The following CNTNAP2 variants were observed in gnomAD, a reference collection of about 807,000 sequenced individuals.
CNTNAP2 encodes the protein contactin associated protein 2, also known as contactin-associated protein-like 2.
In CNTNAP2, 98 loss-of-function variants were observed where a neutral mutation model predicts 155.2. That is an observed-to-expected ratio of 0.63 (90% CI 0.54 to 0.75). The LOEUF (loss-of-function observed/expected upper bound fraction) is 0.75, where lower values mean the gene tolerates loss of function less well. CNTNAP2 is among the 30% of genes least tolerant of loss of function. The pLI is 0.00. For missense variants in CNTNAP2, 1,727 were observed against 1,688.1 expected (o/e 1.02, Z -0.40); for synonymous variants, 651 against 631.2 (o/e 1.03, Z -0.47).
At chr7:147,799,526 G>C (rs574697625) in intron 13 of CNTNAP2, among the ~76,000 whole-genome samples, 2 of 152,074 alleles carry the variant, frequency 1.3e-5, no homozygotes, top group Middle Eastern at 6.8e-3. Context: ...ACAAAGCATT[G>C]TAAAAATGTA....
rs1337593608 is a variant in CNTNAP2, at chr7:147,276,830, C to G, written c.1349-23311C>G. The stretch of plus-strand genomic sequence containing the variant: ...TCTTTCAAATGCTGCGTTCAATTGA[C>G]AAAAAAAAAACTGCAAATGAAGCAC... On this transcript the variant is annotated intron_variant, in intron 8 of 23. Coordinates refer to ENST00000361727, the MANE Select transcript of CNTNAP2 (RefSeq NM_014141.6). Among the ~76,000 whole-genome samples the G allele has an allele frequency of 1.4e-5, 2 of 145,224 alleles. 1 individual carries two copies. The highest frequency in any genetic ancestry group is 4.3e-4 in the South Asian group (2 of 4,618).
intron 21 of CNTNAP2, among the ~76,000 whole-genome samples, chr7:148,314,443 T>A (rs1271275265): frequency 6.6e-6 from 1 of 152,020 alleles, no homozygotes; most frequent in East Asian, 1.9e-4. Context: ...AAATAAGGCA[T>A]TTAGGTTTTA....
At chr7:146,371,419 A>T (rs1795234196) in intron 1 of CNTNAP2, among the ~76,000 whole-genome samples, 1 of 123,558 alleles carries the variant, frequency 8.1e-6, no homozygotes, top group Non-Finnish European at 1.6e-5. Flanking sequence ...CCCAGGCTGG[A>T]GTGCAGTGGC....
At position 148,057,338 on chromosome 7, in the gene CNTNAP2, G is replaced by A. The variant is rs866620468; in HGVS notation, c.2384-60780G>A. Among the ~76,000 whole-genome samples, 14 of 152,256 alleles carry A rather than the reference G, an allele frequency of 9.2e-5. No individual in the cohort carries two copies. In the East Asian group the frequency reaches 1.4e-3, roughly 15 times the overall value. ...TCGCTCAATAGCTTGGATAGTCTGC[G>A]TGTGGATAACACATCAGCAAGGAAT... On this transcript the variant is annotated intron_variant, in intron 15 of 23. Coordinates refer to ENST00000361727, the MANE Select transcript of CNTNAP2 (RefSeq NM_014141.6).
chr7:146,279,019 TG>T (rs553143232), intron 1 of CNTNAP2, among the ~76,000 whole-genome samples: 126 of 152,252 alleles, frequency 8.3e-4, no homozygotes, highest in African/African-American at 3.0e-3. Flanking sequence ...AGGTTCTTAC[TG>T]GGCTTATTAT....
At chr7:147,955,388 TA>T (rs960992692) in intron 14 of CNTNAP2, among the ~76,000 whole-genome samples, 5 of 152,132 alleles carry the variant, frequency 3.3e-5, no homozygotes, top group Non-Finnish European at 7.4e-5. Context: ...TTTTATTTTT[TA>T]AAAAAACTAC....
intron 3 of CNTNAP2, among the ~76,000 whole-genome samples, chr7:146,979,022 A>G (rs748917223): frequency 6.6e-6 from 1 of 152,196 alleles, no homozygotes; most frequent in Non-Finnish European, 1.5e-5. Context: ...TTGATTTTCT[A>G]CATTTGGACA....
chr7:146,130,446 C>T (rs1407274481), intron 1 of CNTNAP2, among the ~76,000 whole-genome samples: 5 of 152,154 alleles, frequency 3.3e-5, no homozygotes, highest in Non-Finnish European at 7.3e-5. Flanking sequence ...TTTCAGCCAG[C>T]TGAGACAAGA....
chr7:148,236,037 G>GT (rs2116790030), intron 20 of CNTNAP2, among the ~76,000 whole-genome samples: 1 of 152,228 alleles, frequency 6.6e-6, no homozygotes, highest in Admixed American at 6.5e-5. Flanking sequence ...TACACTAAGG[G>GT]TTTTTTACAC....
At chr7:146,930,862 G>C (rs1380153496) in intron 3 of CNTNAP2, among the ~76,000 whole-genome samples, 1 of 152,102 alleles carries the variant, frequency 6.6e-6, no homozygotes, top group Non-Finnish European at 1.5e-5. Flanking sequence ...ATGGTAAAGG[G>C]ATTAATTCAA....
In CNTNAP2 at chr7:146,165,134, ACTTTT is replaced by A. The variant is rs570774286; in HGVS notation, c.97+48170_97+48174del. ...GAAAAATCTACTGTGATTTGGGTAA[ACTTTT>A]CTTTTCTTAACTTTCTTTGTTATCT... On this transcript the variant is annotated intron_variant, in intron 1 of 23. Transcript: ENST00000361727. 5.2e-3 allele frequency among the ~76,000 whole-genome samples: 798 copies of A among 152,220 alleles called. 5 individuals are homozygous for A. Among genetic ancestry groups the A allele is most frequent in the African/African-American group, 0.018 (754 of 41,552 alleles).
chr7:146,802,249 G>A (rs771983889), intron 2 of CNTNAP2, among the ~76,000 whole-genome samples: 88 of 152,232 alleles, frequency 5.8e-4, no homozygotes, highest in Admixed American at 2.8e-3. Context: ...TCCTTTTAGC[G>A]CATTCAGATT....
chr7:146,117,429 A>C (rs1335832057), intron 1 of CNTNAP2: 4 of 156,098 alleles, frequency 2.6e-5, no homozygotes, highest in African/African-American at 7.2e-5. Context: ...CAGTTTGGGC[A>C]CCTATAGGGT....
At position 147,477,116 on chromosome 7, in the gene CNTNAP2, A is replaced by G. The variant is rs575403745; in HGVS notation, c.1671-8819A>G. Among the ~76,000 whole-genome samples, 21 of 152,224 alleles carry G rather than the reference A, an allele frequency of 1.4e-4. No individual in the cohort carries two copies. In the South Asian group the frequency reaches 3.9e-3, roughly 29 times the overall value. On this transcript the variant is annotated intron_variant, in intron 10 of 23. Coordinates refer to ENST00000361727, the MANE Select transcript of CNTNAP2 (RefSeq NM_014141.6). ...TTGTTATCGTCATCTTTTTTCCTCC[A>G]GTAAAAGAGATGAGATGGAAATAAG... is the stretch of plus-strand genomic sequence containing the variant.
chr7:147,443,595 G>A (rs2116553820), intron 10 of CNTNAP2, among the ~76,000 whole-genome samples: 1 of 152,280 alleles, frequency 6.6e-6, no homozygotes, highest in East Asian at 1.9e-4. Flanking sequence ...CTAGTAGGGG[G>A]ATGATCGGTA....
intron 1 of CNTNAP2, among the ~76,000 whole-genome samples, chr7:146,254,129 GCACACACACA>G (rs3050025): frequency 0.018 from 2,610 of 144,950 alleles, 69 homozygotes; most frequent in African/African-American, 0.062. Flanking sequence ...ATTGCTACTT[GCACACACACA>G]CACACACACA....
chr7:146,203,087 A>G (rs780612154), intron 1 of CNTNAP2, among the ~76,000 whole-genome samples: 1 of 152,192 alleles, frequency 6.6e-6, no homozygotes, highest in African/African-American at 2.4e-5. Context: ...TTACATCACA[A>G]CAATCAACAC....
At chr7:147,155,859 G>A (rs1801914868) in intron 8 of CNTNAP2, among the ~76,000 whole-genome samples, 1 of 152,034 alleles carries the variant, frequency 6.6e-6, no homozygotes, top group Non-Finnish European at 1.5e-5. Flanking sequence ...ATTGGAAGAG[G>A]GACCCTGAGG....
chr7:148,076,498 C>G (rs527737105), intron 15 of CNTNAP2, among the ~76,000 whole-genome samples: 1 of 139,234 alleles, frequency 7.2e-6, no homozygotes, highest in Admixed American at 7.7e-5. Flanking sequence ...TGCAGTGGCC[C>G]GATCTCGGCT....
Sources: allele counts gnomAD v4.1 joint callset (sites outside exome capture counted in the v4.1 genomes callset), GRCh38; gene constraint gnomAD v4.1.1; transcripts MANE v1.5; gene names NCBI Gene and HGNC (gene_info 2026-07-23, HGNC 2026-07-21).